The following SLC25A48 variants were observed in gnomAD, a reference collection of about 807,000 sequenced individuals.
SLC25A48 encodes the protein CTC-321K16.1.
In SLC25A48, 29 loss-of-function variants were observed where a neutral mutation model predicts 32.2. That is an observed-to-expected ratio of 0.90 (90% confidence interval 0.67 to 1.23). SLC25A48 has a LOEUF of 1.23. SLC25A48 is among the 50% of genes most tolerant of loss of function. The probability of loss-of-function intolerance (pLI) is 0.00; values close to 1 mark genes in which losing one functional copy is unlikely to be tolerated. For missense variants in SLC25A48, 399 were observed against 422.7 expected, an observed-to-expected ratio of 0.94 and a Z score of 0.49; for synonymous variants, 164 against 172.3, an observed-to-expected ratio of 0.95 and a Z score of 0.38.
chr5:135,876,912 C>A (rs555252247), intron 6 of SLC25A48, among the ~76,000 whole-genome samples: 3 of 152,142 alleles, frequency 2.0e-5, no homozygotes, highest in Non-Finnish European at 4.4e-5. Flanking sequence ...GAATGGAGCA[C>A]CCCTCCCCAA....
intron 3 of SLC25A48, among the ~76,000 whole-genome samples, chr5:135,658,761 C>T (rs1376418074): frequency 6.6e-6 from 1 of 152,244 alleles, no homozygotes; most frequent in Non-Finnish European, 1.5e-5. Flanking sequence ...CTTCTGCATA[C>T]CTGCAGGACC....
chr5:135,863,763 A>G (rs955144626), intron 4 of SLC25A48, among the ~76,000 whole-genome samples: 1 of 152,138 alleles, frequency 6.6e-6, no homozygotes, highest in African/African-American at 2.4e-5. Context: ...GTGCAACTCT[A>G]TGACCCCTAG....
intron 3 of SLC25A48, among the ~76,000 whole-genome samples, chr5:135,659,690 C>T (rs768206485): frequency 1.3e-5 from 2 of 152,186 alleles, no homozygotes; most frequent in African/African-American, 4.8e-5. Flanking sequence ...TTAATTGGCT[C>T]ACAGTTCTGC....
At chr5:135,635,769 C>T (rs1304379807) in intron 3 of SLC25A48, among the ~76,000 whole-genome samples, 2 of 152,144 alleles carry the variant, frequency 1.3e-5, no homozygotes, top group African/African-American at 4.8e-5. Context: ...CTAGCTCTCA[C>T]GAGAAAGTAT....
intron 2 of SLC25A48, among the ~76,000 whole-genome samples, chr5:135,845,035 CAAAT>C: frequency 6.6e-6 from 1 of 152,326 alleles, no homozygotes; most frequent in South Asian, 2.1e-4. Context: ...GCTGCTGTAA[CAAAT>C]AACCACAAAC....
intron 1 of SLC25A48, among the ~76,000 whole-genome samples, chr5:135,605,576 C>T (rs1751915402): frequency 6.6e-6 from 1 of 152,206 alleles, no homozygotes; most frequent in South Asian, 2.1e-4. Flanking sequence ...ACCTTAGGTA[C>T]TTGCTTTTCA....
intron 7 of SLC25A48, among the ~76,000 whole-genome samples, chr5:135,886,625 ATATAT>A (rs1762730530): frequency 3.8e-5 from 1 of 26,002 alleles, no homozygotes; most frequent in Non-Finnish European, 6.7e-5. Flanking sequence ...ATATATATAT[ATATAT>A]ATATATAAAA....
chr5:135,863,055 G>A (rs1366502936), intron 4 of SLC25A48, among the ~76,000 whole-genome samples: 5 of 152,082 alleles, frequency 3.3e-5, no homozygotes, highest in African/African-American at 1.2e-4. Flanking sequence ...ACAGACCTGG[G>A]GCCCTGGGCT....
In SLC25A48 at chr5:135,745,670, G is replaced by A. The variant is rs116383756; in HGVS notation, c.-520-66853G>A. On this transcript the variant is annotated intron_variant, in intron 3 of 10. Transcript: ENST00000646290. ...TCTGTGCTTCACAGCACTTAAAGCTGTGGTGGTTTAGTTGCTAGCTCACGT... is the reference window on the plus strand; with the variant it reads ...TCTGTGCTTCACAGCACTTAAAGCTATGGTGGTTTAGTTGCTAGCTCACGT... Among the ~76,000 whole-genome samples, 526 of 152,308 alleles carry A rather than the reference G, an allele frequency of 3.5e-3. 5 individuals are homozygous for A. Among genetic ancestry groups the A allele is most frequent in the African/African-American group, 0.012 (491 of 41,568 alleles).
chr5:135,620,795 A>G (rs1019508262), intron 1 of SLC25A48, among the ~76,000 whole-genome samples: 1 of 152,138 alleles, frequency 6.6e-6, no homozygotes, highest in South Asian at 2.1e-4. Context: ...AGAGCAATGC[A>G]GTCTCCAGGG....
At chr5:135,683,392 C>A (rs1753944487) in intron 3 of SLC25A48, among the ~76,000 whole-genome samples, 1 of 152,230 alleles carries the variant, frequency 6.6e-6, no homozygotes, top group Non-Finnish European at 1.5e-5. Context: ...CAATCCCAAT[C>A]TCATCTTTTG....
chr5:135,868,314 C>T lies in SLC25A48; in HGVS notation c.422-3147C>T, dbSNP rs1383938005. ...GAATCAGGAAAGCTCTATTAACAAGCAGAGGGGTTGTGTACTCTTAAAAAA... is the reference window on the plus strand; with the variant it reads ...GAATCAGGAAAGCTCTATTAACAAGTAGAGGGGTTGTGTACTCTTAAAAAA... On this transcript the variant is annotated intron_variant, in intron 4 of 7. Coordinates refer to ENST00000681962, the MANE Select transcript of SLC25A48 (RefSeq NM_001349336.2). Among the ~76,000 whole-genome samples the T allele has an allele frequency of 2.6e-5, 4 of 152,148 alleles. No homozygotes were observed. The East Asian group carries it at 7.7e-4, about 29-fold the overall frequency.
chr5:135,652,906 A>G (rs1046141088), intron 3 of SLC25A48, among the ~76,000 whole-genome samples: 6 of 152,166 alleles, frequency 3.9e-5, no homozygotes, highest in African/African-American at 1.4e-4. Flanking sequence ...TTCATCTCCA[A>G]TGCAACAGTG....
intron 3 of SLC25A48, among the ~76,000 whole-genome samples, chr5:135,783,449 A>G (rs1278614220): frequency 8.4e-6 from 1 of 118,550 alleles, no homozygotes; most frequent in East Asian, 2.1e-4. Context: ...GGAAAAGAGC[A>G]TGATATTATT....
At chr5:135,771,271 G>A (rs1289161268) in intron 3 of SLC25A48, among the ~76,000 whole-genome samples, 1 of 151,538 alleles carries the variant, frequency 6.6e-6, no homozygotes, top group African/African-American at 2.4e-5. Flanking sequence ...TCTGCGATAT[G>A]GTTCATAATA....
At chr5:135,762,011 C>T (rs1256844444) in intron 3 of SLC25A48, among the ~76,000 whole-genome samples, 2 of 152,170 alleles carry the variant, frequency 1.3e-5, no homozygotes, top group African/African-American at 4.8e-5. Context: ...CATCTGTCTG[C>T]CGAAGGAACG....
intron 3 of SLC25A48, among the ~76,000 whole-genome samples, chr5:135,639,461 T>C (rs1396411071): frequency 6.6e-6 from 1 of 152,184 alleles, no homozygotes; most frequent in Admixed American, 6.5e-5. Flanking sequence ...ATGACAAGAA[T>C]TGTTCAGAAA....
At chr5:135,879,871 TG>T in intron 6 of SLC25A48, 96 bp from the exon 7 acceptor site, 1 of 1,472,282 alleles carries the variant, frequency 6.8e-7, no homozygotes, top group South Asian at 1.4e-5. Flanking sequence ...GGACCGGGCC[TG>T]GGTAGGCAGC....
intron 1 of SLC25A48, among the ~76,000 whole-genome samples, chr5:135,839,324 T>C (rs569718782): frequency 6.6e-6 from 1 of 152,162 alleles, no homozygotes; most frequent in Admixed American, 6.5e-5. Context: ...ATATGAAACA[T>C]GGAACAAAGG....
Sources: gnomAD v4.1 joint callset for allele counts (sites outside exome capture counted in the v4.1 genomes callset) on GRCh38, gnomAD v4.1.1 for gene constraint, MANE v1.5 for transcripts, NCBI Gene and HGNC (gene_info 2026-07-23, HGNC 2026-07-21) for gene names.